The following HADHA variants were observed in gnomAD, a reference collection of about 807,000 sequenced individuals.
HADHA encodes trifunctional enzyme subunit alpha, mitochondrial.
Under a neutral mutation model 91.3 loss-of-function variants are expected in HADHA, and 59 were observed. The ratio of observed to expected loss-of-function variants is 0.65; its 90% CI spans 0.52 to 0.80. The LOEUF is 0.80. Among genes scored for constraint, HADHA ranks in the 30% least tolerant of loss-of-function variants. The pLI, the probability that HADHA is intolerant of heterozygous loss-of-function variation, is 0.00. For missense variants in HADHA, 800 were observed against 927.6 expected, an observed-to-expected ratio of 0.86 and a Z score of 1.79; for synonymous variants, 320 against 338.9, an observed-to-expected ratio of 0.94 and a Z score of 0.61.
chr2:26,231,212 T>C (rs1670614267), intron 6 of HADHA, among the ~76,000 whole-genome samples: 1 of 152,216 alleles, frequency 6.6e-6, no homozygotes, highest in South Asian at 2.1e-4. Context: ...GAAAGCACAT[T>C]ATTATTATTA....
rs1669483899 is a variant in HADHA at position 26,191,153 on chromosome 2, C to CT, written c.*96dup. 1 of 1,292,548 alleles carries CT rather than the reference C, an allele frequency of 7.7e-7. No homozygotes were observed. Among genetic ancestry groups the CT allele is most frequent in the Admixed American group, 1.7e-5 (1 of 57,144 alleles). 80.1% of individuals were successfully genotyped at this position (1,292,548 alleles called of 1,614,324 possible). On this transcript the variant is annotated 3_prime_UTR_variant, in exon 20 of 20. Transcript: ENST00000380649. ...CAAACCCAGTGCCGGAGTTTGTCTTCTCGTTACTCTGATAAATCTAGACAC... is the reference window on the plus strand; with the variant it reads ...CAAACCCAGTGCCGGAGTTTGTCTTCTTCGTTACTCTGATAAATCTAGACAC...
chr2:26,214,474 C>T lies in HADHA; in HGVS notation c.887G>A (p.Gly296Asp). The T allele has an allele frequency of 6.3e-7, 1 of 1,583,242 alleles. No individual in the cohort carries two copies. Among genetic ancestry groups the T allele is most frequent in the Non-Finnish European group, 8.7e-7 (1 of 1,153,590 alleles). ...VEEKVRKQTK[G>D]LYPAPLKIID... Reference sequence around the variant, plus strand: ...TATTTTCAGAGGTGCAGGATAAAGGCCTTTAGTCTGCTTTCGCACTTTTTC... The same window carrying T: ...TATTTTCAGAGGTGCAGGATAAAGGTCTTTAGTCTGCTTTCGCACTTTTTC... The change falls in exon 9 of 20, where the codon GGC (glycine) becomes GAC (aspartate). Residue 296 changes from glycine to aspartate, a missense_variant. Coordinates refer to ENST00000380649, the MANE Select transcript of HADHA (RefSeq NM_000182.5). The surrounding 1 kb of genome is among the most constrained non-coding windows in gnomAD (Gnocchi z 4.1).
chr2:26,237,727 G>C (rs769205613), intron 3 of HADHA, among the ~76,000 whole-genome samples: 7 of 152,040 alleles, frequency 4.6e-5, no homozygotes, highest in Admixed American at 1.3e-4. Context: ...AAAAAGATGT[G>C]GTTATCTTTA....
At chr2:26,228,716 G>C (rs1670541368) in intron 7 of HADHA, among the ~76,000 whole-genome samples, 1 of 152,144 alleles carries the variant, frequency 6.6e-6, no homozygotes, top group African/African-American at 2.4e-5. Flanking sequence ...CTGTTGCTCA[G>C]GCTGGAGTGC....
At chr2:26,236,587 G>A (rs1358495683) in intron 4 of HADHA, among the ~76,000 whole-genome samples, 1 of 151,778 alleles carries the variant, frequency 6.6e-6, no homozygotes, top group East Asian at 1.9e-4. Flanking sequence ...CCTAATTTTT[G>A]TATTTTTAGT....
At chr2:26,215,725 G>C (rs1284197288) in intron 7 of HADHA, among the ~76,000 whole-genome samples, 2 of 152,176 alleles carry the variant, frequency 1.3e-5, no homozygotes, top group African/African-American at 4.8e-5. Flanking sequence ...TGGTGGTCAT[G>C]TACAACAGAT....
At position 26,232,376 on chromosome 2, in the gene HADHA, T is replaced by C. The variant is rs1055322456; in HGVS notation, c.454-97A>G. On this transcript the variant is annotated intron_variant, in intron 5 of 19. Transcript: ENST00000380649. ...CTAAAGATTATTTATAAAGCAGGAA[T>C]GTGCTCACAGAATAAACTGAAATTC... 12 of 840,568 alleles carry C rather than the reference T, an allele frequency of 1.4e-5. No individual in the cohort carries two copies. In the Admixed American group the frequency reaches 1.9e-4, roughly 13 times the overall value. The allele number at this position is 840,568 out of a possible 1,614,324, so 52.1% of individuals were successfully genotyped here.
chr2:26,244,107 C>T (rs3806515), intron 1 of HADHA, among the ~76,000 whole-genome samples: 27,065 of 152,254 alleles, frequency 0.18, 2,769 homozygotes, highest in Middle Eastern at 0.26. Flanking sequence ...CAAGACAGCG[C>T]TTGTTGCGGG....
At chr2:26,198,801 A>G (rs1473907018) in intron 13 of HADHA, among the ~76,000 whole-genome samples, 1 of 152,044 alleles carries the variant, frequency 6.6e-6, no homozygotes, top group African/African-American at 2.4e-5. Flanking sequence ...TATAATCCCA[A>G]CACTTCAGGA....
chr2:26,208,186 TATTTAA>T (rs1246960933), intron 11 of HADHA, among the ~76,000 whole-genome samples: 2 of 152,196 alleles, frequency 1.3e-5, no homozygotes, highest in African/African-American at 4.8e-5. Context: ...GATTTAAGAA[TATTTAA>T]ATCAAGTTCT....
Position 26,193,690 on chromosome 2 carries a change from A to C in HADHA, c.1772T>G (p.Val591Gly), listed in dbSNP as rs1574602310. 1.2e-6 allele frequency: 2 copies of C among 1,613,944 alleles called. No individual in the cohort carries two copies. The highest frequency in any genetic ancestry group is 2.2e-5 in the South Asian group (2 of 91,076). The change falls in exon 17 of 20, where the codon GTT becomes GGT. Residue 591 changes from valine (V) to glycine (G), a missense_variant. Physicochemically the swap from Val to Gly is moderately radical, Grantham distance 109. Transcript: ENST00000380649. ...PVGAATLVDEVGVDVAKHVAE... is the reference protein window; with the variant it reads ...PVGAATLVDEGGVDVAKHVAE... ...CACATGTTTCGCTACATCCACACCA[A>C]CTTCATCCACCAGTGTGGCGGCACC...
rs147662350 is a variant in HADHA, at chr2:26,240,400, C to T, written c.68-1257G>A. Among the ~76,000 whole-genome samples, 1,070 of 152,094 alleles carry T rather than the reference C, an allele frequency of 7.0e-3. 6 individuals carry two copies. The highest frequency in any genetic ancestry group is 0.011 in the Admixed American group (175 of 15,262). ...GATATCTGGGAAGAATCAGTTCCTA[C>T]TCAGTGAAGATAAATGAAAAGTGAA... On this transcript the variant is annotated intron_variant, in intron 1 of 19. Transcript: ENST00000380649.
At chr2:26,199,479 T>C (rs1669774340) in intron 13 of HADHA, 1 of 152,256 alleles carries the variant, frequency 6.6e-6, no homozygotes, top group South Asian at 2.1e-4. Flanking sequence ...CTAATGCTGG[T>C]GGTGAAATCC....
rs1374950968 is a variant in HADHA at position 26,210,211 on chromosome 2, C to G, written c.976-322G>C. On this transcript the variant is annotated intron_variant, in intron 10 of 19. Transcript: ENST00000380649. The surrounding 1 kb of genome is among the most constrained non-coding windows in gnomAD (Gnocchi z 4.0). ...GTCTCAGGGCCAAAATGAGCCTCCA[C>G]AATCATCTCAAACCAACCCTCTCAT... is the stretch of plus-strand genomic sequence containing the variant. 6.6e-6 allele frequency among the ~76,000 whole-genome samples: 1 copy of G among 152,198 alleles called. No individual in the cohort carries two copies. Among genetic ancestry groups the G allele is most frequent in the Non-Finnish European group, 1.5e-5 (1 of 68,032 alleles).
chr2:26,195,164 T>A lies in HADHA; in HGVS notation c.1548A>T (p.Lys516Asn). 1 of 1,612,628 alleles carries A rather than the reference T, an allele frequency of 6.2e-7. No individual in the cohort carries two copies. The highest frequency in any genetic ancestry group is 8.5e-7 in the Non-Finnish European group (1 of 1,178,770). ...MQLLEIITTE[K>N]TSKDTSASAV... ...CTGAAGCACTGGTGTCTTTGGAAGTTTTCTCGGTCGTGATAATCTCCAGCA... is the reference window on the plus strand; with the variant it reads ...CTGAAGCACTGGTGTCTTTGGAAGTATTCTCGGTCGTGATAATCTCCAGCA... The change falls in exon 15 of 20, where the codon AAA becomes AAT. Residue 516 changes from lysine to asparagine, a missense_variant. Lys to Asn is a moderately conservative substitution (Grantham distance 94, BLOSUM62 0). Transcript: ENST00000380649.
At chr2:26,196,076 T>C (rs1388141157) in intron 14 of HADHA, among the ~76,000 whole-genome samples, 3 of 152,240 alleles carry the variant, frequency 2.0e-5, no homozygotes, top group African/African-American at 7.2e-5. Context: ...ATCTACCTGC[T>C]CTTCAATACA....
At chr2:26,196,849 C>T (rs1669688433) in intron 14 of HADHA, among the ~76,000 whole-genome samples, 1 of 152,148 alleles carries the variant, frequency 6.6e-6, no homozygotes, top group South Asian at 2.1e-4. Flanking sequence ...GCCAGACTGT[C>T]CATCTGTAGA....
At chr2:26,201,443 C>CTCAAAATGGGAGTAAT in intron 12 of HADHA, 123 bp from the exon 13 acceptor site, 1 of 676,434 alleles carries the variant, frequency 1.5e-6, no homozygotes, top group Non-Finnish European at 2.6e-6. Context: ...CTATTACTCC[C>CTCAAAATGGGAGTAAT]ATTTTGAGGG....
At chr2:26,239,287 A>G in intron 1 of HADHA, 144 bp from the exon 2 acceptor site, 3 of 702,166 alleles carry the variant, frequency 4.3e-6, no homozygotes, top group Non-Finnish European at 7.8e-6. Context: ...GACTACTGCC[A>G]TATTTTTTCC....
Sources: allele counts gnomAD v4.1 joint callset (sites outside exome capture counted in the v4.1 genomes callset), GRCh38; gene constraint gnomAD v4.1.1; non-coding constraint Gnocchi (gnomAD v3.1); transcripts MANE v1.5; gene names NCBI Gene and HGNC (gene_info 2026-07-23, HGNC 2026-07-21).